The following OSBP2 variants were observed in gnomAD, a reference collection of about 807,000 sequenced individuals.
The protein encoded by OSBP2 is oxysterol binding protein 2.
A neutral mutation model predicts 96.0 loss-of-function variants in OSBP2; 66 were observed. The observed-to-expected ratio is 0.69, with a 90% CI of 0.56 to 0.84. The LOEUF is 0.84. OSBP2 is among the 40% of genes least tolerant of loss of function. The pLI is 0.00. For synonymous variants in OSBP2, 525 were observed against 520.9 expected, an observed-to-expected ratio of 1.01 and a Z score of -0.11; for missense variants, 1,038 against 1,222.7, an observed-to-expected ratio of 0.85 and a Z score of 2.25.
At chr22:30,747,619 G>A (rs146084644) in intron 2 of OSBP2, among the ~76,000 whole-genome samples, 11 of 152,222 alleles carry the variant, frequency 7.2e-5, no homozygotes, top group African/African-American at 2.6e-4. Flanking sequence ...TCACATTGGC[G>A]GTGCGGTAAG....
chr22:30,889,383 C>A, intron 6 of OSBP2, 107 bp from the exon 7 acceptor site: 1 of 1,456,704 alleles, frequency 6.9e-7, no homozygotes, highest in Non-Finnish European at 9.5e-7. Flanking sequence ...AGCAGCGTAC[C>A]AGTGGCCGGC....
chr22:30,791,674 C>A (rs1419747172), intron 2 of OSBP2, among the ~76,000 whole-genome samples: 1 of 152,088 alleles, frequency 6.6e-6, no homozygotes, highest in Non-Finnish European at 1.5e-5. Context: ...TTTAATGTAT[C>A]CGTGCCACAG....
intron 12 of OSBP2, among the ~76,000 whole-genome samples, chr22:30,901,591 G>A (rs1297320285): frequency 3.9e-5 from 6 of 152,140 alleles, no homozygotes; most frequent in South Asian, 2.1e-4. Flanking sequence ...TCCACCAGGC[G>A]TGGTGGCTCA....
intron 1 of OSBP2, among the ~76,000 whole-genome samples, chr22:30,739,321 G>GA (rs1222182811): frequency 6.6e-6 from 1 of 152,216 alleles, no homozygotes; most frequent in Non-Finnish European, 1.5e-5. Flanking sequence ...TCCTTGCTCT[G>GA]TAGATCTCAT....
At chr22:30,878,385 G>A (rs1447298649) in intron 3 of OSBP2, among the ~76,000 whole-genome samples, 1 of 152,368 alleles carries the variant, frequency 6.6e-6, no homozygotes, top group African/African-American at 2.4e-5. Context: ...GGGCAGTGCT[G>A]CTCTGAGCTG....
intron 1 of OSBP2, among the ~76,000 whole-genome samples, chr22:30,733,139 G>T (rs1385270929): frequency 1.3e-5 from 2 of 152,220 alleles, no homozygotes; most frequent in African/African-American, 4.8e-5. Flanking sequence ...CTCTTCCCAA[G>T]GATGGGCCAT....
chr22:30,809,822 G>A lies in OSBP2; in HGVS notation c.854-60607G>A, dbSNP rs139410322. 9.2e-5 allele frequency among the ~76,000 whole-genome samples: 14 copies of A among 152,274 alleles called. No homozygotes were observed. The East Asian group carries it at 2.1e-3, about 23-fold the overall frequency. On this transcript the variant is annotated intron_variant, in intron 2 of 13. Transcript: ENST00000332585. ...TGTGGCTGGTCGAGGTGGAGAAGAC[G>A]ATATGGATTTGCAAATGATTTGGTA...
chr22:30,721,374 G>T (rs1037882769), intron 1 of OSBP2, among the ~76,000 whole-genome samples: 3 of 152,218 alleles, frequency 2.0e-5, no homozygotes, highest in Non-Finnish European at 2.9e-5. Flanking sequence ...TGGAGGCCGG[G>T]ATCTCATCTG....
chr22:30,718,002 G>A (rs931425139), intron 1 of OSBP2, among the ~76,000 whole-genome samples: 4 of 152,170 alleles, frequency 2.6e-5, no homozygotes, highest in African/African-American at 7.2e-5. Flanking sequence ...TTGAGGGTCC[G>A]CAGATGACCA....
intron 1 of OSBP2, among the ~76,000 whole-genome samples, chr22:30,735,944 C>T (rs989393697): frequency 4.6e-5 from 7 of 151,764 alleles, no homozygotes; most frequent in Non-Finnish European, 8.8e-5. Flanking sequence ...GTCAGAGTCT[C>T]TCTCTGTTGC....
chr22:30,893,663 A>G lies in OSBP2; in HGVS notation c.2120A>G (p.His707Arg). Residue 707 changes from histidine (H) to arginine (R), a missense_variant, in exon 11 of 14, where the codon CAT (histidine) becomes CGT (arginine). His to Arg is a conservative substitution (Grantham distance 29). This residue lies in a region of OSBP2 where 737 missense variants were observed against 913.3 expected (regional missense o/e 0.81). Coordinates refer to ENST00000332585, the MANE Select transcript of OSBP2 (RefSeq NM_030758.4). ...TCAGGGGACATCGAGATTGTGAACCATAAGACCAATGACCGGTGCCAGCTG... is the reference window on the plus strand; with the variant it reads ...TCAGGGGACATCGAGATTGTGAACCGTAAGACCAATGACCGGTGCCAGCTG... ...DQSGDIEIVN[H>R]KTNDRCQLKF... 1 of 1,614,244 alleles carries G rather than the reference A, an allele frequency of 6.2e-7. No individual in the cohort carries two copies. Among genetic ancestry groups the G allele is most frequent in the Non-Finnish European group, 8.5e-7 (1 of 1,180,036 alleles).
chr22:30,887,477 C>T lies in OSBP2; in HGVS notation c.1159C>T (p.Arg387Trp), dbSNP rs922992144. ...AGAGATACACAGTCGGAAATGGCAG[C>T]GGGCACTGCAGTATGAGCAGGAGCA... is the stretch of plus-strand genomic sequence containing the variant. ...LAEIHSRKWQ[R>W]ALQYEQEQRV... The change falls in exon 4 of 14, where the codon CGG becomes TGG. Residue 387 changes from arginine to tryptophan, a missense_variant. Physicochemically the swap from Arg to Trp is moderately radical, Grantham distance 101 (BLOSUM62 -3). Coordinates refer to ENST00000332585, the MANE Select transcript of OSBP2 (RefSeq NM_030758.4). 12 of 1,613,672 alleles carry T rather than the reference C, an allele frequency of 7.4e-6. No individual in the cohort carries two copies. The highest frequency in any genetic ancestry group is 4.5e-5 in the East Asian group (2 of 44,888).
intron 1 of OSBP2, among the ~76,000 whole-genome samples, chr22:30,703,169 A>AT (rs36121870): frequency 1.8e-3 from 265 of 147,594 alleles, no homozygotes; most frequent in South Asian, 3.2e-3. Context: ...CCAGTATCTT[A>AT]TTTTTTTTTT....
At chr22:30,819,999 A>T (rs1035751410) in intron 2 of OSBP2, among the ~76,000 whole-genome samples, 3 of 152,236 alleles carry the variant, frequency 2.0e-5, no homozygotes, top group Non-Finnish European at 4.4e-5. Flanking sequence ...GCCTGGTTAA[A>T]TACCTTTGGT....
intron 12 of OSBP2, among the ~76,000 whole-genome samples, chr22:30,904,147 A>G (rs1411545645): frequency 6.6e-6 from 1 of 152,180 alleles, no homozygotes; most frequent in Non-Finnish European, 1.5e-5. Flanking sequence ...AGGGCCTAGG[A>G]AAGAGACCCT....
intron 2 of OSBP2, among the ~76,000 whole-genome samples, chr22:30,806,092 C>T (rs1050656916): frequency 2.6e-5 from 4 of 152,190 alleles, no homozygotes; most frequent in Non-Finnish European, 4.4e-5. Flanking sequence ...GTAACTCAGT[C>T]ATCATCATGA....
intron 2 of OSBP2, among the ~76,000 whole-genome samples, chr22:30,787,994 G>A (rs961304367): frequency 6.6e-6 from 1 of 152,190 alleles, no homozygotes; most frequent in African/African-American, 2.4e-5. Context: ...GCTTCAGTAG[G>A]CAGAGCCAAG....
intron 2 of OSBP2, among the ~76,000 whole-genome samples, chr22:30,768,332 G>A (rs1019998493): frequency 6.6e-6 from 1 of 152,110 alleles, no homozygotes. Context: ...TGGGGGTGGG[G>A]GTTCTTCTTA....
intron 12 of OSBP2, chr22:30,894,490 G>A (rs1405473623): frequency 6.4e-6 from 1 of 155,806 alleles, no homozygotes; most frequent in Non-Finnish European, 1.4e-5. Context: ...ACAGGGAGAA[G>A]ACAGAGTGAG....
Sources: allele counts gnomAD v4.1 joint callset (sites outside exome capture counted in the v4.1 genomes callset), GRCh38; gene constraint gnomAD v4.1.1; regional missense constraint gnomAD v4.1.1; transcripts MANE v1.5; gene names NCBI Gene and HGNC (gene_info 2026-07-23, HGNC 2026-07-21).